The following CPHXL2 variants were observed in gnomAD, a reference collection of about 807,000 sequenced individuals.
CPHXL2 encodes cytoplasmic polyadenylated homeobox like 2, also known as cytoplasmic polyadenylated homeobox-like protein 2.
chr16:75,669,572 G>C, the CPHXL2 span: 4 of 398,710 alleles, frequency 1.0e-5, no homozygotes, highest in Non-Finnish European at 1.3e-5. Context: ...AAAAGTATAA[G>C]TAGCGAGAAG....
chr16:75,676,938 C>T, the CPHXL2 span: 2 of 398,526 alleles, frequency 5.0e-6, no homozygotes, highest in Non-Finnish European at 8.8e-6. Context: ...TTCATGGAAA[C>T]AGTCTTCTCA....
At chr16:75,673,961 CAG>C in the CPHXL2 span, among the ~76,000 whole-genome samples, 9 of 121,534 alleles carry the variant, frequency 7.4e-5, no homozygotes, top group Non-Finnish European at 1.3e-4. Context: ...GCCTGGGTGA[CAG>C]AGAGAGATCT....
the CPHXL2 span, among the ~76,000 whole-genome samples, chr16:75,662,608 A>G: frequency 0.12 from 18,499 of 152,034 alleles, 2,371 homozygotes; most frequent in African/African-American, 0.33. Context: ...AGGAAACAGC[A>G]GAAGACCAAA....
chr16:75,667,788 C>T, the CPHXL2 span, among the ~76,000 whole-genome samples: 1 of 152,224 alleles, frequency 6.6e-6, no homozygotes, highest in East Asian at 1.9e-4. Context: ...ATTTATCTGA[C>T]ATGTGAAACA....
chr16:75,660,495 C>T, the CPHXL2 span: 1 of 398,640 alleles, frequency 2.5e-6, no homozygotes, highest in Non-Finnish European at 4.4e-6. Context: ...AGCCGAGGGC[C>T]ACTGCTTCTC....
chr16:75,669,071 T>C, the CPHXL2 span, among the ~76,000 whole-genome samples: 1 of 152,122 alleles, frequency 6.6e-6, no homozygotes, highest in Non-Finnish European at 1.5e-5. Context: ...TCCCAGCACT[T>C]TGGGAGGCCG....
the CPHXL2 span, among the ~76,000 whole-genome samples, chr16:75,673,145 GATT>G: frequency 6.6e-6 from 1 of 150,510 alleles, no homozygotes; most frequent in Non-Finnish European, 1.5e-5. Context: ...AGTCAATTCT[GATT>G]TGGAGGCCAG....
At chr16:75,668,184 ATATACTGCT>A in the CPHXL2 span, among the ~76,000 whole-genome samples, 1 of 151,550 alleles carries the variant, frequency 6.6e-6, no homozygotes, top group Non-Finnish European at 1.5e-5. Flanking sequence ...ATGAAATGCT[ATATACTGCT>A]TAATTCTCTC....
chr16:75,669,685 T>G, the CPHXL2 span: 13 of 394,766 alleles, frequency 3.3e-5, no homozygotes, highest in Non-Finnish European at 5.8e-5. Flanking sequence ...TCATAGCTAC[T>G]CACAATAATA....
the CPHXL2 span, among the ~76,000 whole-genome samples, chr16:75,671,458 G>A: frequency 6.7e-6 from 1 of 150,178 alleles, no homozygotes; most frequent in Non-Finnish European, 1.5e-5. Context: ...TAACACTATC[G>A]TGACTCAAAA....
the CPHXL2 span, among the ~76,000 whole-genome samples, chr16:75,661,425 A>G: frequency 1.3e-5 from 2 of 152,154 alleles, no homozygotes; most frequent in South Asian, 2.1e-4. Flanking sequence ...AACTGCACAT[A>G]TGATACCGGA....
At chr16:75,675,568 A>G in the CPHXL2 span, among the ~76,000 whole-genome samples, 1 of 152,168 alleles carries the variant, frequency 6.6e-6, no homozygotes, top group Non-Finnish European at 1.5e-5. Context: ...GTCTTGTCCT[A>G]GAGCATCAAA....
the CPHXL2 span, among the ~76,000 whole-genome samples, chr16:75,663,682 G>C: frequency 6.6e-6 from 1 of 152,052 alleles, no homozygotes; most frequent in Non-Finnish European, 1.5e-5. Flanking sequence ...AGGAGATTGA[G>C]ACCATACTGG....
the CPHXL2 span, among the ~76,000 whole-genome samples, chr16:75,675,993 C>T: frequency 1.3e-5 from 2 of 151,924 alleles, no homozygotes; most frequent in African/African-American, 2.4e-5. Flanking sequence ...GCAGGAGAAT[C>T]GCTTGAACCT....
chr16:75,663,888 A>AC, the CPHXL2 span, among the ~76,000 whole-genome samples: 10 of 117,360 alleles, frequency 8.5e-5, no homozygotes, highest in Admixed American at 4.0e-4. Context: ...TCTGTCTCAA[A>AC]AAAAAAAAAA....
At chr16:75,670,494 A>C in the CPHXL2 span, among the ~76,000 whole-genome samples, 3 of 152,118 alleles carry the variant, frequency 2.0e-5, no homozygotes, top group Admixed American at 1.3e-4. Flanking sequence ...TGCACAGTAT[A>C]TTTCAGTTAA....
chr16:75,670,301 A>C, the CPHXL2 span, among the ~76,000 whole-genome samples: 4 of 152,150 alleles, frequency 2.6e-5, no homozygotes, highest in Non-Finnish European at 5.9e-5. Flanking sequence ...ACTGATCTAT[A>C]CTGATTGGAA....
chr16:75,663,207 T>A, the CPHXL2 span, among the ~76,000 whole-genome samples: 5 of 152,306 alleles, frequency 3.3e-5, no homozygotes, highest in African/African-American at 1.2e-4. Flanking sequence ...AAATTCAGAA[T>A]TGCTTTAGGC....
chr16:75,660,684 T>G, the CPHXL2 span: 4 of 398,526 alleles, frequency 1.0e-5, no homozygotes, highest in Non-Finnish European at 4.4e-6. Flanking sequence ...GTAAGCACCT[T>G]GAGCGTAATC....
Sources: gnomAD v4.1 joint callset for allele counts (sites outside exome capture counted in the v4.1 genomes callset) on GRCh38, gnomAD v4.1.1 for gene constraint, MANE v1.5 for transcripts, NCBI Gene and HGNC (gene_info 2026-07-23, HGNC 2026-07-21) for gene names.